SLC9A9: variants seen among roughly 807,000 people sequenced by gnomAD.
SLC9A9 encodes the protein solute carrier family 9 member A9, also known as sodium/hydrogen exchanger 9.
SLC9A9 carries 62 observed loss-of-function variants against 77.8 expected under a neutral mutation model. That is an observed-to-expected ratio of 0.80 (90% confidence interval 0.65 to 0.98). The LOEUF (loss-of-function observed/expected upper bound fraction) is 0.98, where lower values mean the gene tolerates loss of function less well. Ranked by LOEUF, SLC9A9 falls within the 50% of genes least tolerant of loss-of-function variation. SLC9A9 has a pLI of 0.00. For synonymous variants in SLC9A9, 320 were observed against 283.5 expected, an observed-to-expected ratio of 1.13 and a Z score of -1.29; for missense variants, 775 against 774.9, an observed-to-expected ratio of 1.00 and a Z score of 0.00.
intron 13 of SLC9A9, among the ~76,000 whole-genome samples, chr3:143,365,597 GTC>G (rs914064190): frequency 1.3e-5 from 2 of 152,074 alleles, no homozygotes; most frequent in African/African-American, 4.8e-5. Flanking sequence ...AGTTCCACAG[GTC>G]TCTGTTTTCT....
intron 5 of SLC9A9, among the ~76,000 whole-genome samples, chr3:143,667,848 G>T (rs2039095311): frequency 6.6e-6 from 1 of 152,186 alleles, no homozygotes; most frequent in South Asian, 2.1e-4. Context: ...TGCCGGAGAG[G>T]ATGTGGAGAA....
At chr3:143,685,192 T>G (rs1165701542) in intron 5 of SLC9A9, among the ~76,000 whole-genome samples, 3 of 152,092 alleles carry the variant, frequency 2.0e-5, no homozygotes, top group African/African-American at 7.2e-5. Flanking sequence ...TGATATTAAG[T>G]GAATATTATT....
rs78768523 is a variant in SLC9A9 at position 143,836,144 on chromosome 3, G to A, written c.176-3923C>T. 3.2e-3 allele frequency among the ~76,000 whole-genome samples: 491 copies of A among 152,276 alleles called. 5 individuals are homozygous for A. Among genetic ancestry groups the A allele is most frequent in the African/African-American group, 0.011 (473 of 41,548 alleles). On this transcript the variant is annotated intron_variant, in intron 1 of 15. Coordinates refer to ENST00000316549, the MANE Select transcript of SLC9A9 (RefSeq NM_173653.4). The stretch of plus-strand genomic sequence containing the variant: ...AAAATGTCCCTCTTAAGTCCCACCC[G>A]TGGGCACCAGAACCCTGATAAAGTC...
At chr3:143,306,282 A>C (rs1236662172) in intron 14 of SLC9A9, among the ~76,000 whole-genome samples, 1 of 152,152 alleles carries the variant, frequency 6.6e-6, no homozygotes, top group Non-Finnish European at 1.5e-5. Flanking sequence ...TCTCAAATCC[A>C]CACACCTTCC....
intron 9 of SLC9A9, among the ~76,000 whole-genome samples, chr3:143,532,271 A>T (rs576804077): frequency 8.5e-5 from 13 of 152,288 alleles, no homozygotes; most frequent in African/African-American, 3.1e-4. Flanking sequence ...AAATATTCCC[A>T]CGATGGCAGA....
At chr3:143,816,269 T>A (rs1420872330) in intron 2 of SLC9A9, among the ~76,000 whole-genome samples, 1 of 152,218 alleles carries the variant, frequency 6.6e-6, no homozygotes, top group Non-Finnish European at 1.5e-5. Flanking sequence ...AGTGGTGTGG[T>A]CATAGCTCAC....
chr3:143,588,384 T>C (rs551827537), intron 6 of SLC9A9, among the ~76,000 whole-genome samples: 1 of 152,284 alleles, frequency 6.6e-6, no homozygotes, highest in South Asian at 2.1e-4. Flanking sequence ...AGTACTTCAA[T>C]AGAGGATGCA....
chr3:143,382,789 C>T (rs2033337012), intron 12 of SLC9A9, among the ~76,000 whole-genome samples: 1 of 152,236 alleles, frequency 6.6e-6, no homozygotes, highest in African/African-American at 2.4e-5. Context: ...GTCTGACACA[C>T]TGCTAAAATA....
intron 12 of SLC9A9, among the ~76,000 whole-genome samples, chr3:143,383,833 G>A (rs2033358228): frequency 6.6e-6 from 1 of 152,150 alleles, no homozygotes; most frequent in South Asian, 2.1e-4. Flanking sequence ...CCTGCTGTTG[G>A]GGTGGGGGAA....
intron 2 of SLC9A9, among the ~76,000 whole-genome samples, chr3:143,827,436 A>G (rs958253711): frequency 6.6e-6 from 1 of 152,166 alleles, no homozygotes; most frequent in Non-Finnish European, 1.5e-5. Context: ...CTACACTTTT[A>G]TCTGTGTTGA....
chr3:143,679,771 G>A (rs7650371), intron 5 of SLC9A9, among the ~76,000 whole-genome samples: 130,137 of 152,150 alleles, frequency 0.86, 56,382 homozygotes, highest in South Asian at 0.94. Context: ...TGAGGGTTAT[G>A]ACAACTTAGA....
At chr3:143,726,770 A>G (rs1482651989) in intron 4 of SLC9A9, among the ~76,000 whole-genome samples, 1 of 152,190 alleles carries the variant, frequency 6.6e-6, no homozygotes, top group East Asian at 1.9e-4. Context: ...TCTTTTCTAA[A>G]ATGCCTGAGG....
At chr3:143,578,464 T>A in intron 7 of SLC9A9, 121 bp downstream of exon 7, 1 of 1,472,110 alleles carries the variant, frequency 6.8e-7, no homozygotes, top group Non-Finnish European at 9.4e-7. Context: ...TGGTGCCGTA[T>A]GAAACTTGGA....
Position 143,349,644 on chromosome 3 carries a change from A to G in SLC9A9, c.1604+13840T>C, listed in dbSNP as rs74561965. On this transcript the variant is annotated intron_variant, in intron 14 of 15. Transcript: ENST00000316549. ...CCCAGTGTCACACAGCTAGTAGGTG[A>G]CAAAGATCTGAACCTAGCTATTTGA... 6.7e-3 allele frequency among the ~76,000 whole-genome samples: 1,023 copies of G among 152,292 alleles called. 6 individuals are homozygous for G. The highest frequency in any genetic ancestry group is 0.024 in the African/African-American group (977 of 41,560).
chr3:143,574,097 C>G lies in SLC9A9; in HGVS notation c.991G>C (p.Gly331Arg). The G allele has an allele frequency of 6.2e-7, 1 of 1,612,918 alleles. No homozygotes were observed. The highest frequency in any genetic ancestry group is 8.5e-7 in the Non-Finnish European group (1 of 1,179,294). ...WSAFLSAEAA[G>R]LTGIVAVLFC... Reference sequence around the variant, plus strand: ...AGCATGAAGCACTGACCTGTTAGGCCGGCAGCCTCGGCAGACAGGAAGGCA... The same window carrying G: ...AGCATGAAGCACTGACCTGTTAGGCGGGCAGCCTCGGCAGACAGGAAGGCA... The change falls in exon 8 of 16, where the codon GGC (glycine) becomes CGC (arginine). Residue 331 changes from glycine (G) to arginine (R), a missense_variant. Transcript: ENST00000316549.
At chr3:143,491,897 C>T (rs1231416269) in intron 11 of SLC9A9, among the ~76,000 whole-genome samples, 1 of 152,120 alleles carries the variant, frequency 6.6e-6, no homozygotes, top group Non-Finnish European at 1.5e-5. Flanking sequence ...AAATGCAACC[C>T]AATGCTGGCT....
intron 6 of SLC9A9, among the ~76,000 whole-genome samples, chr3:143,629,306 G>A (rs2038382788): frequency 6.6e-6 from 1 of 152,196 alleles, no homozygotes; most frequent in African/African-American, 2.4e-5. Context: ...TGTGCTGAAC[G>A]AAGGTATAGG....
chr3:143,592,085 C>G (rs554791190), intron 6 of SLC9A9, among the ~76,000 whole-genome samples: 1 of 152,116 alleles, frequency 6.6e-6, no homozygotes, highest in Non-Finnish European at 1.5e-5. Context: ...CCATGACCCC[C>G]CAAAAGGTTA....
intron 6 of SLC9A9, among the ~76,000 whole-genome samples, chr3:143,604,671 G>C (rs1455783667): frequency 6.6e-6 from 1 of 152,206 alleles, no homozygotes; most frequent in African/African-American, 2.4e-5. Context: ...CTCCGAGTAT[G>C]TGAGAACACA....
Sources: gnomAD v4.1 joint callset for allele counts (sites outside exome capture counted in the v4.1 genomes callset) on GRCh38, gnomAD v4.1.1 for gene constraint, MANE v1.5 for transcripts, NCBI Gene and HGNC (gene_info 2026-07-23, HGNC 2026-07-21) for gene names.